Variants in NEGR1 observed in about 807,000 individuals in gnomAD.
NEGR1 encodes IgLON family member 4.
Under a neutral mutation model 40.9 loss-of-function variants are expected in NEGR1, and 10 were observed. The observed-to-expected ratio is 0.24, with a 90% CI of 0.15 to 0.42. The LOEUF is 0.42. NEGR1 is among the 10% of genes least tolerant of loss of function. The pLI is 1.00. For missense variants in NEGR1, 352 were observed against 438.9 expected, an observed-to-expected ratio of 0.80 and a Z score of 1.77; for synonymous variants, 185 against 166.8, an observed-to-expected ratio of 1.11 and a Z score of -0.84.
At chr1:72,227,356 T>C in intron 1 of NEGR1, among the ~76,000 whole-genome samples, 1 of 152,014 alleles carries the variant, frequency 6.6e-6, no homozygotes, top group Admixed American at 6.6e-5. Flanking sequence ...AGTGCTTGCC[T>C]GGGAAAATAC....
intron 6 of NEGR1, among the ~76,000 whole-genome samples, chr1:71,523,647 G>C (rs1024527082): frequency 6.6e-6 from 1 of 151,842 alleles, no homozygotes. Context: ...TCTGGATTTA[G>C]CGATTTATAT....
At chr1:71,732,190 C>T (rs995308827) in intron 3 of NEGR1, among the ~76,000 whole-genome samples, 1 of 151,970 alleles carries the variant, frequency 6.6e-6, no homozygotes, top group Non-Finnish European at 1.5e-5. Flanking sequence ...CGCCTATAGT[C>T]GCAGCTACTT....
Position 71,886,939 on chromosome 1 carries a change from G to C in NEGR1, c.409+48140C>G, listed in dbSNP as rs1660739837. ...TATAATTGACCCTTGAGCAATGTGG[G>C]AGTTAGCACTGAACACTGCACTGTT... On this transcript the variant is annotated intron_variant, in intron 2 of 6. Coordinates refer to ENST00000357731, the MANE Select transcript of NEGR1 (RefSeq NM_173808.3). Among the ~76,000 whole-genome samples the C allele has an allele frequency of 2.0e-5, 3 of 152,104 alleles. No individual in the cohort carries two copies. The South Asian group carries it at 6.2e-4, about 32-fold the overall frequency.
chr1:71,695,541 CTTAAG>C (rs930594244), intron 4 of NEGR1, among the ~76,000 whole-genome samples: 8 of 151,758 alleles, frequency 5.3e-5, no homozygotes, highest in Non-Finnish European at 1.0e-4. Context: ...TGTTTTCCCT[CTTAAG>C]TTAAAGTGAT....
chr1:71,545,060 A>G (rs919875600), intron 6 of NEGR1, among the ~76,000 whole-genome samples: 2 of 151,672 alleles, frequency 1.3e-5, no homozygotes, highest in Admixed American at 6.6e-5. Flanking sequence ...ATTAATTATT[A>G]TATGCTGAGT....
intron 6 of NEGR1, among the ~76,000 whole-genome samples, chr1:71,513,770 C>T (rs1027472392): frequency 9.2e-5 from 14 of 152,022 alleles, no homozygotes; most frequent in African/African-American, 3.1e-4. Flanking sequence ...CCAGCGTGAG[C>T]GACGCAGAAG....
intron 1 of NEGR1, among the ~76,000 whole-genome samples, chr1:72,057,356 A>G (rs1281389086): frequency 1.3e-5 from 2 of 151,532 alleles, no homozygotes; most frequent in Admixed American, 1.3e-4. Flanking sequence ...TGGCATGTAT[A>G]ATAGTCTGTA....
At chr1:71,450,473 G>A (rs1646618949) in intron 6 of NEGR1, among the ~76,000 whole-genome samples, 1 of 152,100 alleles carries the variant, frequency 6.6e-6, no homozygotes, top group Non-Finnish European at 1.5e-5. Context: ...TATTGAAAGA[G>A]ATTTAATGTT....
At chr1:71,961,699 C>T (rs954292761) in intron 1 of NEGR1, among the ~76,000 whole-genome samples, 2 of 152,146 alleles carry the variant, frequency 1.3e-5, no homozygotes, top group Non-Finnish European at 1.5e-5. Context: ...TCATCCTGGG[C>T]AACTCACTTT....
At chr1:71,998,996 G>A (rs1242493505) in intron 1 of NEGR1, among the ~76,000 whole-genome samples, 3 of 151,712 alleles carry the variant, frequency 2.0e-5, no homozygotes, top group African/African-American at 7.3e-5. Context: ...CATATTAAAC[G>A]ATCAATATAG....
At chr1:72,021,275 T>TA (rs1351816255) in intron 1 of NEGR1, among the ~76,000 whole-genome samples, 1 of 152,166 alleles carries the variant, frequency 6.6e-6, no homozygotes, top group African/African-American at 2.4e-5. Context: ...TTGAAGAATT[T>TA]ATATATTTAA....
intron 1 of NEGR1, among the ~76,000 whole-genome samples, chr1:72,191,865 T>A (rs1400223546): frequency 2.0e-5 from 3 of 151,670 alleles, no homozygotes; most frequent in Admixed American, 6.6e-5. Context: ...TTGCAGGGAC[T>A]TTTAGCACCA....
intron 2 of NEGR1, among the ~76,000 whole-genome samples, chr1:71,820,429 C>T (rs1658386038): frequency 6.6e-6 from 1 of 151,922 alleles, no homozygotes; most frequent in South Asian, 2.1e-4. Flanking sequence ...CCAGTCCTTC[C>T]CTACAGGGAT....
intron 6 of NEGR1, among the ~76,000 whole-genome samples, chr1:71,514,945 G>A (rs1253686732): frequency 3.1e-5 from 3 of 97,964 alleles, no homozygotes; most frequent in Non-Finnish European, 1.9e-5. Context: ...CTCAGGAGCC[G>A]ATGCGATCAA....
chr1:72,157,245 A>G (rs1651394167), intron 1 of NEGR1, among the ~76,000 whole-genome samples: 1 of 152,172 alleles, frequency 6.6e-6, no homozygotes, highest in South Asian at 2.1e-4. Context: ...TGTTGGGATT[A>G]CAAGCGTGAG....
At chr1:71,845,967 T>C (rs937698937) in intron 2 of NEGR1, among the ~76,000 whole-genome samples, 8 of 148,892 alleles carry the variant, frequency 5.4e-5, no homozygotes, top group African/African-American at 1.5e-4. Flanking sequence ...TCTCACTATG[T>C]TGTCCATGCT....
At chr1:71,901,798 G>C (rs2101864078) in intron 2 of NEGR1, among the ~76,000 whole-genome samples, 1 of 151,176 alleles carries the variant, frequency 6.6e-6, no homozygotes, top group Admixed American at 6.6e-5. Flanking sequence ...AGCCTCCTGA[G>C]TAGCTGCGAT....
chr1:71,720,976 C>G (rs1019610463), intron 3 of NEGR1, among the ~76,000 whole-genome samples: 1 of 152,104 alleles, frequency 6.6e-6, no homozygotes, highest in African/African-American at 2.4e-5. Context: ...AATATCCTTT[C>G]AAATATAACA....
intron 2 of NEGR1, among the ~76,000 whole-genome samples, chr1:71,792,978 G>T (rs1657170575): frequency 6.6e-6 from 1 of 151,752 alleles, no homozygotes; most frequent in Non-Finnish European, 1.5e-5. Flanking sequence ...AGTTACTTAT[G>T]CTTGAGTTTT....
Sources: allele counts gnomAD v4.1 joint callset (sites outside exome capture counted in the v4.1 genomes callset), GRCh38; gene constraint gnomAD v4.1.1; transcripts MANE v1.5; gene names NCBI Gene and HGNC (gene_info 2026-07-23, HGNC 2026-07-21).